Variants in WDR17 observed in about 807,000 individuals in gnomAD.
The protein encoded by WDR17 is WD repeat-containing protein 17.
A neutral mutation model predicts 161.7 loss-of-function variants in WDR17; 143 were observed. The observed-to-expected ratio is 0.88, with a 90% CI of 0.77 to 1.02. The LOEUF is 1.02. Among genes scored for constraint, WDR17 ranks in the 50% least tolerant of loss-of-function variants. The pLI is 0.00. For synonymous variants in WDR17, 517 were observed against 515.6 expected (o/e 1.00, Z -0.04); for missense variants, 1,469 against 1,520.9 (o/e 0.97, Z 0.57).
chr4:176,107,304 A>G (rs988369060), intron 1 of WDR17, among the ~76,000 whole-genome samples: 5 of 151,710 alleles, frequency 3.3e-5, no homozygotes, highest in Non-Finnish European at 5.9e-5. Flanking sequence ...GTTGGTGAGG[A>G]TGAGTTAGCC....
rs1365243765 is a variant in WDR17 at position 176,133,175 on chromosome 4, TTTATTTTTA to T, written c.1098+1440_1098+1448del. 5.2e-3 allele frequency among the ~76,000 whole-genome samples: 435 copies of T among 84,386 alleles called. 3 individuals carry two copies. Among genetic ancestry groups the T allele is most frequent in the African/African-American group, 0.021 (412 of 20,076 alleles). The allele number at this position is 84,386 out of a possible 152,430, so 55.4% of individuals were successfully genotyped here. On this transcript the variant is annotated intron_variant, in intron 7 of 28. Transcript: ENST00000508596. The stretch of plus-strand genomic sequence containing the variant: ...CATTCGAAGAAAAAAAAAACAATTT[TTTATTTTTA>T]TTTTTTTTTTTTTACCACTTCACTA...
At chr4:176,130,470 C>A (rs151060571) in intron 6 of WDR17, among the ~76,000 whole-genome samples, 2 of 151,998 alleles carry the variant, frequency 1.3e-5, no homozygotes, top group African/African-American at 4.8e-5. Context: ...AATGGCCGGG[C>A]GCGGTGGCTC....
At chr4:176,166,127 T>C in intron 22 of WDR17, 1 of 1,079,432 alleles carries the variant, frequency 9.3e-7, no homozygotes, top group Non-Finnish European at 1.3e-6. Flanking sequence ...CCTTTAGCTT[T>C]CCATGTGTTG....
chr4:176,101,387 T>A (rs1331862138), intron 1 of WDR17, among the ~76,000 whole-genome samples: 1 of 152,210 alleles, frequency 6.6e-6, no homozygotes, highest in African/African-American at 2.4e-5. Context: ...ATGTAGTTCA[T>A]CATGTGCACC....
At position 176,179,443 on chromosome 4, in the gene WDR17, C is replaced by G. The variant is rs770916505; in HGVS notation, c.3733-17C>G. 2 of 1,505,080 alleles carry G rather than the reference C, an allele frequency of 1.3e-6. No individual in the cohort carries two copies. The highest frequency in any genetic ancestry group is 8.9e-7 in the Non-Finnish European group (1 of 1,127,632). The allele number at this position is 1,505,080 out of a possible 1,614,324, so 93.2% of individuals were successfully genotyped here. A position where few individuals can be genotyped will look rare whatever the true frequency, so the allele number is the denominator to read the frequency against. ...TTTATAATCTCATCTTCTCTTTCCT[C>G]AACTCTCACTGTGCAGGGCCCTGTG... On this transcript the variant is annotated splice_polypyrimidine_tract_variant and intron_variant, in intron 28 of 28. Coordinates refer to ENST00000508596, the MANE Select transcript of WDR17 (RefSeq NM_181265.4).
At chr4:176,136,158 G>A (rs575549453) in intron 8 of WDR17, among the ~76,000 whole-genome samples, 2 of 151,526 alleles carry the variant, frequency 1.3e-5, no homozygotes, top group Non-Finnish European at 3.0e-5. Flanking sequence ...AAAGGTTAAG[G>A]ACCACTGCTT....
At chr4:176,168,914 CA>C in intron 23 of WDR17, 131 bp downstream of exon 23, 1 of 973,968 alleles carries the variant, frequency 1.0e-6, no homozygotes, top group Non-Finnish European at 1.5e-6. Context: ...ACAAGTACAA[CA>C]AAAGTGTTGT....
chr4:176,100,281 G>A (rs1737608597), intron 1 of WDR17, among the ~76,000 whole-genome samples: 1 of 152,116 alleles, frequency 6.6e-6, no homozygotes, highest in South Asian at 2.1e-4. Context: ...ACTCTGAGTG[G>A]TGGAAGATTA....
chr4:176,106,222 C>T (rs1192518738), intron 1 of WDR17, among the ~76,000 whole-genome samples: 1 of 151,858 alleles, frequency 6.6e-6, no homozygotes, highest in East Asian at 1.9e-4. Flanking sequence ...AGTGTCATAC[C>T]AGCATAAAGG....
chr4:176,173,304 A>G lies in WDR17; in HGVS notation c.3282A>G (p.Ile1094Met), dbSNP rs1338844292. 6.2e-7 allele frequency: 1 copy of G among 1,613,432 alleles called. No homozygotes were observed. The highest frequency in any genetic ancestry group is 1.1e-5 in the South Asian group (1 of 90,978). ...ISSSDWTLDTIYPVLDLLSYI... is the reference protein window; with the variant it reads ...ISSSDWTLDTMYPVLDLLSYI... ...GCTCAGACTGGACTTTGGATACCATATACCCTGTTCTTGACCTACTGAGCT... is the reference window on the plus strand; with the variant it reads ...GCTCAGACTGGACTTTGGATACCATGTACCCTGTTCTTGACCTACTGAGCT... The change falls in exon 25 of 29, where the codon ATA (isoleucine) becomes ATG (methionine). Residue 1094 changes from isoleucine to methionine, a missense_variant. Ile to Met is a conservative substitution (Grantham distance 10). Coordinates refer to ENST00000508596, the MANE Select transcript of WDR17 (RefSeq NM_181265.4).
chr4:176,070,435 T>C (rs1733070704), intron 1 of WDR17, among the ~76,000 whole-genome samples: 1 of 152,234 alleles, frequency 6.6e-6, no homozygotes, highest in African/African-American at 2.4e-5. Flanking sequence ...TTCAGGCCTC[T>C]GTCAATATAT....
chr4:176,165,391 G>A (rs888868545), intron 22 of WDR17, among the ~76,000 whole-genome samples: 2 of 151,736 alleles, frequency 1.3e-5, no homozygotes, highest in African/African-American at 4.8e-5. Flanking sequence ...AAATTTGGCA[G>A]CAAAAGAGAA....
At position 176,131,697 on chromosome 4, in the gene WDR17, T is replaced by C; in HGVS notation, c.1057T>C (p.Tyr353His). Residue 353 changes from tyrosine (Y) to histidine (H), a missense_variant, in exon 7 of 29, where the codon TAT becomes CAT. Physicochemically the swap from Tyr to His is moderately conservative, Grantham distance 83. Coordinates refer to ENST00000508596, the MANE Select transcript of WDR17 (RefSeq NM_181265.4). ...TTTCTTGGATGGTGGAGTTGGACTT[T>C]ATGATATGGGAGCTAAGAAGTGGGA... ...CCFLDGGVGL[Y>H]DMGAKKWDFL... The C allele has an allele frequency of 1.9e-6, 3 of 1,613,100 alleles. No homozygotes were observed. The highest frequency in any genetic ancestry group is 2.5e-6 in the Non-Finnish European group (3 of 1,179,570).
At chr4:176,141,887 A>T (rs1194224313) in intron 10 of WDR17, 96 bp from the exon 11 acceptor site, 1 of 980,814 alleles carries the variant, frequency 1.0e-6, no homozygotes, top group Non-Finnish European at 1.5e-6. Flanking sequence ...TCTATCCTGG[A>T]ATATTTCTAT....
At chr4:176,092,983 A>G (rs958316220) in intron 1 of WDR17, among the ~76,000 whole-genome samples, 1 of 152,212 alleles carries the variant, frequency 6.6e-6, no homozygotes. Context: ...CGGAGGTTGC[A>G]GTGAGCCCAG....
At chr4:176,155,386 A>T (rs1747897160) in intron 17 of WDR17, among the ~76,000 whole-genome samples, 1 of 151,714 alleles carries the variant, frequency 6.6e-6, no homozygotes, top group African/African-American at 2.4e-5. Context: ...ATAAAAAATA[A>T]ATATTTTTCT....
At chr4:176,146,671 A>G (rs1489485277) in intron 12 of WDR17, among the ~76,000 whole-genome samples, 1 of 152,090 alleles carries the variant, frequency 6.6e-6, no homozygotes, top group Non-Finnish European at 1.5e-5. Context: ...AAGGAAAGAC[A>G]CCTGTTCTAG....
Position 176,115,994 on chromosome 4 carries a change from G to T in WDR17, c.307+15G>T. 1 of 1,571,876 alleles carries T rather than the reference G, an allele frequency of 6.4e-7. No individual in the cohort carries two copies. The highest frequency in any genetic ancestry group is 2.3e-5 in the East Asian group (1 of 42,606). ...CAGTACAAAAGGTATAATTACAACT[G>T]GGATTTATTTTATGGAATAAAATAT... is the stretch of plus-strand genomic sequence containing the variant. On this transcript the variant is annotated intron_variant, in intron 3 of 28. Transcript: ENST00000508596.
In WDR17 at chr4:176,179,685, T is replaced by C. The variant is rs930889670; in HGVS notation, c.*106T>C. 20 of 1,194,478 alleles carry C rather than the reference T, an allele frequency of 1.7e-5. No individual in the cohort carries two copies. Among genetic ancestry groups the C allele is most frequent in the Non-Finnish European group, 2.0e-5 (18 of 915,850 alleles). 74.0% of individuals were successfully genotyped at this position (1,194,478 alleles called of 1,614,324 possible). A position where few individuals can be genotyped will look rare whatever the true frequency, so the allele number is the denominator to read the frequency against. ...CAAGTGCCAGAGGTTGGGAGAAGGA[T>C]TGCAGGTTGGGAGAGGTGGGAAATA... On this transcript the variant is annotated 3_prime_UTR_variant, in exon 29 of 29. Transcript: ENST00000508596.
Sources: allele counts gnomAD v4.1 joint callset (sites outside exome capture counted in the v4.1 genomes callset), GRCh38; gene constraint gnomAD v4.1.1; transcripts MANE v1.5; gene names NCBI Gene and HGNC (gene_info 2026-07-23, HGNC 2026-07-21).